Variants in IQGAP2 observed in about 807,000 individuals in gnomAD.
IQGAP2 encodes ras GTPase-activating-like protein IQGAP2.
In IQGAP2, 173 loss-of-function variants were observed where a neutral mutation model predicts 201.3. The ratio of observed to expected loss-of-function variants is 0.86; its 90% CI spans 0.76 to 0.98. The LOEUF (loss-of-function observed/expected upper bound fraction) is 0.98. IQGAP2 is among the 50% of genes least tolerant of loss of function. The pLI is 0.00. For missense variants in IQGAP2, 1,687 were observed against 1,864.8 expected (o/e 0.90, Z 1.76); for synonymous variants, 675 against 673.9 (o/e 1.00, Z -0.03).
chr5:76,410,792 C>G (rs1035214721), intron 1 of IQGAP2, among the ~76,000 whole-genome samples: 2 of 152,184 alleles, frequency 1.3e-5, no homozygotes, highest in African/African-American at 4.8e-5. Context: ...TGTCCAGCAT[C>G]CCAGTTTTAT....
chr5:76,551,984 C>T (rs1016134256), intron 2 of IQGAP2, among the ~76,000 whole-genome samples: 3 of 152,086 alleles, frequency 2.0e-5, no homozygotes, highest in Non-Finnish European at 4.4e-5. Flanking sequence ...ATGACAGCCT[C>T]ACCCTCTCAC....
rs755164950 is a variant in IQGAP2, at chr5:76,698,161, A to G, written c.4367+14A>G. 22 of 1,540,288 alleles carry G rather than the reference A, an allele frequency of 1.4e-5. No individual in the cohort carries two copies. The East Asian group carries it at 3.0e-4, about 21-fold the overall frequency. On this transcript the variant is annotated intron_variant, in intron 33 of 35. Coordinates refer to ENST00000274364, the MANE Select transcript of IQGAP2 (RefSeq NM_006633.5). ...CTTAAAAAGAAAGTAAGTTAAAATCATGTCATGTTCATTTGTAATGTCATG... is the reference window on the plus strand; with the variant it reads ...CTTAAAAAGAAAGTAAGTTAAAATCGTGTCATGTTCATTTGTAATGTCATG...
intron 2 of IQGAP2, among the ~76,000 whole-genome samples, chr5:76,477,443 A>G (rs1755505747): frequency 6.6e-6 from 1 of 152,232 alleles, no homozygotes; most frequent in South Asian, 2.1e-4. Context: ...ACAATATCCC[A>G]TAAGATTATA....
Position 76,665,160 on chromosome 5 carries a change from G to A in IQGAP2, c.2664G>A (p.Leu888=). The A allele has an allele frequency of 6.2e-7, 1 of 1,612,946 alleles. No homozygotes were observed. Residue 888 remains leucine, a synonymous_variant, in exon 22 of 36, where the codon CTG becomes CTA. Coordinates refer to ENST00000274364, the MANE Select transcript of IQGAP2 (RefSeq NM_006633.5). ...RRKTLETYQQ[L]FYLLQTNPLY... is the part of the protein sequence containing the mutation. The stretch of plus-strand genomic sequence containing the variant: ...AAACACTAGAAACATATCAGCAGCT[G>A]TTTTACCTTTTACAGGTGAGAACAA...
intron 5 of IQGAP2, among the ~76,000 whole-genome samples, chr5:76,578,604 G>A (rs369632521): frequency 1.2e-4 from 19 of 152,096 alleles, no homozygotes; most frequent in African/African-American, 4.1e-4. Flanking sequence ...CAGCCACCAC[G>A]CCCGGCCACA....
intron 33 of IQGAP2, 87 bp from the exon 34 acceptor site, chr5:76,700,989 G>GA: frequency 2.2e-6 from 3 of 1,385,820 alleles, no homozygotes; most frequent in Non-Finnish European, 3.0e-6. Flanking sequence ...TATGAACAGC[G>GA]ATGTCACTCT....
chr5:76,597,646 T>A, intron 10 of IQGAP2, 44 bp downstream of exon 10: 1 of 1,601,372 alleles, frequency 6.2e-7, no homozygotes, highest in Non-Finnish European at 8.5e-7. Context: ...TAACCCTGCG[T>A]GCCATGGCGC....
rs535325821 is a variant in IQGAP2 at position 76,449,850 on chromosome 5, C to A, written c.47-11720C>A. On this transcript the variant is annotated intron_variant, in intron 1 of 35. Coordinates refer to ENST00000274364, the MANE Select transcript of IQGAP2 (RefSeq NM_006633.5). Reference sequence around the variant, plus strand: ...GGAATTTACATACAGTACCACGATCCAGTTCCCAGCCAAGAATTAAACGCC... The same window carrying A: ...GGAATTTACATACAGTACCACGATCAAGTTCCCAGCCAAGAATTAAACGCC... Among the ~76,000 whole-genome samples, 17 of 152,318 alleles carry A rather than the reference C, an allele frequency of 1.1e-4. No homozygotes were observed. In the South Asian group the frequency reaches 3.5e-3, roughly 32 times the overall value.
intron 2 of IQGAP2, among the ~76,000 whole-genome samples, chr5:76,501,334 T>TG (rs1188215867): frequency 1.3e-5 from 2 of 152,010 alleles, no homozygotes; most frequent in South Asian, 4.2e-4. Context: ...GAAGCTGAGG[T>TG]GGGGGGGCAT....
chr5:76,474,536 C>T (rs952530234), intron 2 of IQGAP2, among the ~76,000 whole-genome samples: 3 of 152,252 alleles, frequency 2.0e-5, no homozygotes, highest in African/African-American at 4.8e-5. Context: ...CTCTGTACTC[C>T]GTCCTACTTG....
intron 26 of IQGAP2, 36 bp downstream of exon 26, chr5:76,674,072 C>T: frequency 6.1e-6 from 7 of 1,155,018 alleles, no homozygotes; most frequent in Non-Finnish European, 9.2e-6. Context: ...ATAGCTTCTC[C>T]TGGGGGTATG....
chr5:76,405,880 AATT>A (rs1750770617), intron 1 of IQGAP2, among the ~76,000 whole-genome samples: 1 of 152,208 alleles, frequency 6.6e-6, no homozygotes, highest in Admixed American at 6.5e-5. Flanking sequence ...TAAAACCTCA[AATT>A]ATAAGAAACA....
In IQGAP2 at chr5:76,471,736, G is replaced by C. The variant is rs1232175598; in HGVS notation, c.146+10067G>C. On this transcript the variant is annotated intron_variant, in intron 2 of 35. Transcript: ENST00000274364. Reference sequence around the variant, plus strand: ...AAAAAAAAAGAGAATCTTCTGACTGGGGAATACTTTAGAGAATCCAGTGGA... The same window carrying C: ...AAAAAAAAAGAGAATCTTCTGACTGCGGAATACTTTAGAGAATCCAGTGGA... 3.9e-5 allele frequency among the ~76,000 whole-genome samples: 6 copies of C among 152,122 alleles called. No homozygotes were observed. The East Asian group carries it at 1.2e-3, about 29-fold the overall frequency.
rs754423953 is a variant in IQGAP2, at chr5:76,632,033, T to C, written c.1780+7T>C. 2.5e-5 allele frequency: 40 copies of C among 1,595,890 alleles called. No individual in the cohort carries two copies. In the Admixed American group the frequency reaches 5.7e-4, roughly 23 times the overall value. On this transcript the variant is annotated splice_region_variant and intron_variant, in intron 15 of 35. Transcript: ENST00000274364. ...GAGCTCAAATCTGAAAGAGGTAAGT[T>C]GGTTTGTTACTTTAGCACAAACTAA... is the stretch of plus-strand genomic sequence containing the variant.
intron 27 of IQGAP2, 139 bp downstream of exon 27, chr5:76,674,848 G>A (rs1561579691): frequency 3.1e-6 from 2 of 649,848 alleles, no homozygotes; most frequent in South Asian, 1.9e-5. Context: ...CAGCCACTGG[G>A]GAAAGAGGAG....
intron 5 of IQGAP2, among the ~76,000 whole-genome samples, chr5:76,578,506 G>A (rs1276121566): frequency 6.6e-6 from 1 of 152,102 alleles, no homozygotes; most frequent in African/African-American, 2.4e-5. Flanking sequence ...TAGAGACGGG[G>A]TTTCACCATG....
intron 2 of IQGAP2, among the ~76,000 whole-genome samples, chr5:76,492,941 T>C (rs1395113555): frequency 3.3e-5 from 5 of 152,200 alleles, no homozygotes; most frequent in Non-Finnish European, 7.3e-5. Context: ...GTGATAAGGA[T>C]GCTGGTTGAC....
At position 76,576,130 on chromosome 5, in the gene IQGAP2, A is replaced by C. The variant is rs368947156; in HGVS notation, c.458+361A>C. On this transcript the variant is annotated intron_variant, in intron 5 of 35. Coordinates refer to ENST00000274364, the MANE Select transcript of IQGAP2 (RefSeq NM_006633.5). ...TACAAATATAATGCAGATATATCAA[A>C]TGAGCAACTTTAATAGTCATAATTT... is the stretch of plus-strand genomic sequence containing the variant. 8.5e-5 allele frequency among the ~76,000 whole-genome samples: 13 copies of C among 152,328 alleles called. No homozygotes were observed. The South Asian group carries it at 1.4e-3, about 17-fold the overall frequency.
At chr5:76,610,995 G>A (rs1748354030) in intron 12 of IQGAP2, 25 bp from the exon 13 acceptor site, 3 of 1,590,638 alleles carry the variant, frequency 1.9e-6, no homozygotes. Context: ...TGACTTAAAA[G>A]GAAAACTACT....
Sources: allele counts gnomAD v4.1 joint callset (sites outside exome capture counted in the v4.1 genomes callset), GRCh38; gene constraint gnomAD v4.1.1; transcripts MANE v1.5; gene names NCBI Gene and HGNC (gene_info 2026-07-23, HGNC 2026-07-21).